The following MCPH1 variants were observed in gnomAD, a reference collection of about 807,000 sequenced individuals.
MCPH1 encodes microcephalin 1.
MCPH1 carries 104 observed loss-of-function variants against 84.5 expected under a neutral mutation model. The observed-to-expected ratio is 1.23, with a 90% CI of 1.05 to 1.45. MCPH1 has a LOEUF of 1.45. Ranked by LOEUF, MCPH1 falls within the 40% of genes most tolerant of loss-of-function variation. The pLI is 0.00. For synonymous variants in MCPH1, 514 were observed against 366.8 expected, an observed-to-expected ratio of 1.40 and a Z score of -4.58; for missense variants, 1,498 against 1,005.7, an observed-to-expected ratio of 1.49 and a Z score of -6.62.
At chr8:6,446,340 C>T (rs1804364806) in intron 8 of MCPH1, 4 of 984,760 alleles carry the variant, frequency 4.1e-6, no homozygotes, top group Non-Finnish European at 4.8e-6. Flanking sequence ...AGTGAGAACG[C>T]ATTCTCTCTG....
At chr8:6,627,523 C>G (rs1337427339) in intron 13 of MCPH1, among the ~76,000 whole-genome samples, 1 of 152,192 alleles carries the variant, frequency 6.6e-6, no homozygotes, top group Non-Finnish European at 1.5e-5. Flanking sequence ...ACGAAATCTA[C>G]CAGCATATAA....
chr8:6,452,068 T>C (rs1278643271), intron 8 of MCPH1, among the ~76,000 whole-genome samples: 1 of 152,200 alleles, frequency 6.6e-6, no homozygotes, highest in Non-Finnish European at 1.5e-5. Flanking sequence ...ACAAGCCAAG[T>C]TTCTCCTACA....
chr8:6,626,980 T>C (rs568533247), intron 13 of MCPH1: 79 of 973,704 alleles, frequency 8.1e-5, no homozygotes, highest in Admixed American at 1.3e-4. Flanking sequence ...CTCAACAGCA[T>C]TGCCAAAAAA....
At chr8:6,415,452 C>G (rs929465052) in intron 3 of MCPH1, among the ~76,000 whole-genome samples, 9 of 151,980 alleles carry the variant, frequency 5.9e-5, no homozygotes, top group Admixed American at 1.3e-4. Context: ...CTCCTGGGCT[C>G]AAGTGATTCT....
chr8:6,524,541 T>A (rs1297162531), intron 12 of MCPH1, among the ~76,000 whole-genome samples: 2 of 152,232 alleles, frequency 1.3e-5, no homozygotes, highest in Admixed American at 6.5e-5. Flanking sequence ...CACTGAGTGA[T>A]AGTTGGGTTC....
Position 6,409,325 on chromosome 8 carries a change from T to G in MCPH1, c.69T>G (p.Asn23Lys). 1.2e-6 allele frequency: 2 copies of G among 1,614,096 alleles called. No individual in the cohort carries two copies. The highest frequency in any genetic ancestry group is 1.7e-6 in the Non-Finnish European group (2 of 1,180,000). Residue 23 changes from asparagine (N) to lysine (K), a missense_variant, in exon 2 of 14, where the codon AAT (asparagine) becomes AAG (lysine). Coordinates refer to ENST00000344683, the MANE Select transcript of MCPH1 (RefSeq NM_024596.5). ...VEVWSSNGTE[N>K]YSKTFTTQLV... ...TGTGGTCATCCAATGGAACAGAAAA[T>G]TATTCAAAGACATTTACAACACAGC...
chr8:6,614,260 C>T lies in MCPH1; in HGVS notation c.2215-7194C>T, dbSNP rs141600457. ...GCCAGGGCTTTCACCAAAGCTTGGC[C>T]GCTCGGACAGGACTCACGATGGAAG... On this transcript the variant is annotated intron_variant, in intron 12 of 13. Transcript: ENST00000344683. Among the ~76,000 whole-genome samples the T allele has an allele frequency of 8.2e-3, 1,241 of 152,256 alleles. 13 individuals are homozygous for T. Among genetic ancestry groups the T allele is most frequent in the African/African-American group, 0.028 (1,161 of 41,536 alleles).
intron 12 of MCPH1, among the ~76,000 whole-genome samples, chr8:6,586,756 G>A (rs1337889937): frequency 6.6e-6 from 1 of 152,222 alleles, no homozygotes; most frequent in Non-Finnish European, 1.5e-5. Context: ...GCCCTTGAAA[G>A]TCTGTGGGCA....
At chr8:6,512,010 T>C (rs551411095) in intron 12 of MCPH1, among the ~76,000 whole-genome samples, 6 of 152,120 alleles carry the variant, frequency 3.9e-5, no homozygotes, top group African/African-American at 1.2e-4. Context: ...TCAAAATTCA[T>C]TGAAGTTTTG....
chr8:6,524,088 G>C (rs191202057), intron 12 of MCPH1, among the ~76,000 whole-genome samples: 191 of 152,220 alleles, frequency 1.3e-3, no homozygotes, highest in Middle Eastern at 0.01. Context: ...GAAAAACAGT[G>C]ACCAGATGTC....
intron 13 of MCPH1, among the ~76,000 whole-genome samples, chr8:6,638,432 G>C (rs1451301419): frequency 2.0e-5 from 3 of 152,138 alleles, no homozygotes; most frequent in African/African-American, 2.4e-5. Context: ...TAAATAAAGT[G>C]ACTTGCCCAC....
intron 12 of MCPH1, among the ~76,000 whole-genome samples, chr8:6,613,878 C>A (rs947127656): frequency 6.6e-6 from 1 of 152,100 alleles, no homozygotes; most frequent in Non-Finnish European, 1.5e-5. Flanking sequence ...AGACTTGATG[C>A]AGAGTTTCAG....
chr8:6,484,907 T>C (rs576674413), intron 11 of MCPH1, among the ~76,000 whole-genome samples: 64 of 152,340 alleles, frequency 4.2e-4, no homozygotes, highest in African/African-American at 1.3e-3. Context: ...TGTCACATCT[T>C]TGGGGCATTG....
At chr8:6,432,162 G>T (rs940417637) in intron 4 of MCPH1, among the ~76,000 whole-genome samples, 1 of 152,192 alleles carries the variant, frequency 6.6e-6, no homozygotes, top group Non-Finnish European at 1.5e-5. Flanking sequence ...TAGAGACAGG[G>T]TCTTTCTATG....
At chr8:6,583,857 G>GT (rs1463525699) in intron 12 of MCPH1, among the ~76,000 whole-genome samples, 42 of 140,302 alleles carry the variant, frequency 3.0e-4, no homozygotes, top group South Asian at 1.8e-3. Context: ...TTCTTGTTTT[G>GT]TTTTTTTTTT....
chr8:6,450,574 T>C (rs1208401182), intron 8 of MCPH1, among the ~76,000 whole-genome samples: 1 of 150,992 alleles, frequency 6.6e-6, no homozygotes, highest in Non-Finnish European at 1.5e-5. Flanking sequence ...TTTAAGCCAA[T>C]TCAGTGTTCT....
chr8:6,531,413 C>T (rs559890394), intron 12 of MCPH1, among the ~76,000 whole-genome samples: 9 of 152,048 alleles, frequency 5.9e-5, no homozygotes, highest in Admixed American at 3.9e-4. Flanking sequence ...CTCAGCCTCC[C>T]AAGTAGCTGG....
At position 6,643,825 on chromosome 8, in the gene MCPH1, C is replaced by A. The variant is rs1412232374; in HGVS notation, c.*776C>A. The A allele has an allele frequency of 6.6e-6, 1 of 152,206 alleles. No homozygotes were observed. The highest frequency in any genetic ancestry group is 1.5e-5 in the Non-Finnish European group (1 of 68,076). The allele number at this position is 152,206 out of a possible 1,614,324, so 9.4% of individuals were successfully genotyped here. A position where few individuals can be genotyped will look rare whatever the true frequency, so the allele number is the denominator to read the frequency against. Reference sequence around the variant, plus strand: ...TGTTATACAGGATAATTGGTGACATCTGAGTGTCTTACTTCTGCAAGCCTG... The same window carrying A: ...TGTTATACAGGATAATTGGTGACATATGAGTGTCTTACTTCTGCAAGCCTG... On this transcript the variant is annotated 3_prime_UTR_variant, in exon 14 of 14. Coordinates refer to ENST00000344683, the MANE Select transcript of MCPH1 (RefSeq NM_024596.5).
chr8:6,528,130 C>T (rs1313768178), intron 12 of MCPH1, among the ~76,000 whole-genome samples: 1 of 152,144 alleles, frequency 6.6e-6, no homozygotes, highest in African/African-American at 2.4e-5. Context: ...CTCCTGACCT[C>T]AAGGGATTCA....
Sources: gnomAD v4.1 joint callset for allele counts (sites outside exome capture counted in the v4.1 genomes callset) on GRCh38, gnomAD v4.1.1 for gene constraint, MANE v1.5 for transcripts, NCBI Gene and HGNC (gene_info 2026-07-23, HGNC 2026-07-21) for gene names.